Variants in SNTG1 observed in about 807,000 individuals in gnomAD.
The protein encoded by SNTG1 is syntrophin gamma 1.
In SNTG1, 39 loss-of-function variants were observed where a neutral mutation model predicts 74.7. That is an observed-to-expected ratio of 0.52 (90% CI 0.40 to 0.68). The LOEUF is 0.68. SNTG1 is among the 30% of genes least tolerant of loss of function. The probability of loss-of-function intolerance (pLI) is 0.00; values close to 1 mark genes in which losing one functional copy is unlikely to be tolerated. For missense variants in SNTG1, 685 were observed against 609.5 expected (o/e 1.12, Z -1.30); for synonymous variants, 254 against 217.1 (o/e 1.17, Z -1.49).
intron 2 of SNTG1, among the ~76,000 whole-genome samples, chr8:50,339,340 T>G (rs2130925939): frequency 6.6e-6 from 1 of 152,124 alleles, no homozygotes; most frequent in Admixed American, 6.5e-5. Flanking sequence ...GGTCAGTAAC[T>G]TATGTATACA....
At chr8:50,081,660 GTCTC>G (rs1822425669) in intron 1 of SNTG1, among the ~76,000 whole-genome samples, 1 of 151,940 alleles carries the variant, frequency 6.6e-6, no homozygotes, top group Non-Finnish European at 1.5e-5. Flanking sequence ...TTTAGATGGA[GTCTC>G]TCTCTGTCAC....
At chr8:50,727,299 G>A (rs1347782473) in intron 17 of SNTG1, among the ~76,000 whole-genome samples, 1 of 152,142 alleles carries the variant, frequency 6.6e-6, no homozygotes, top group Non-Finnish European at 1.5e-5. Context: ...GAGAGTGGTT[G>A]AGGGGAAGAT....
intron 1 of SNTG1, among the ~76,000 whole-genome samples, chr8:50,052,249 G>A (rs1382763979): frequency 2.0e-5 from 3 of 151,920 alleles, no homozygotes; most frequent in Non-Finnish European, 4.4e-5. Flanking sequence ...GAGTAAACTT[G>A]GGAGTTTAGA....
chr8:49,964,279 C>T lies in SNTG1; in HGVS notation c.-103+52048C>T, dbSNP rs531771474. 3.0e-4 allele frequency among the ~76,000 whole-genome samples: 46 copies of T among 152,344 alleles called. 1 individual carries two copies. The South Asian group carries it at 8.7e-3, about 29-fold the overall frequency. On this transcript the variant is annotated intron_variant, in intron 1 of 18. Transcript: ENST00000642720. ...TGGCTCCCCACAAGGAGGAGGGAGT[C>T]TTGCCACATACTGCCTTCAGGCTTG... is the stretch of plus-strand genomic sequence containing the variant.
intron 4 of SNTG1, among the ~76,000 whole-genome samples, chr8:50,412,329 T>C (rs962221673): frequency 3.3e-5 from 5 of 152,186 alleles, no homozygotes; most frequent in Admixed American, 6.5e-5. Context: ...TTTGTCTTTC[T>C]GTGGGGCACT....
chr8:50,484,469 C>T (rs1587777288), intron 8 of SNTG1, among the ~76,000 whole-genome samples: 1 of 150,764 alleles, frequency 6.6e-6, no homozygotes, highest in African/African-American at 2.4e-5. Context: ...CCTGTCTCGG[C>T]CTCCCAAAGC....
At chr8:50,634,709 G>T (rs1340816798) in intron 13 of SNTG1, among the ~76,000 whole-genome samples, 2 of 152,066 alleles carry the variant, frequency 1.3e-5, no homozygotes, top group African/African-American at 4.8e-5. Flanking sequence ...TTGGTGGTAT[G>T]AGTATGTGTA....
chr8:50,627,084 C>T (rs2094961444), intron 13 of SNTG1, among the ~76,000 whole-genome samples: 1 of 151,962 alleles, frequency 6.6e-6, no homozygotes, highest in African/African-American at 2.4e-5. Context: ...TCATTTAATC[C>T]TTTTTGTCTG....
At chr8:50,615,211 C>T (rs1200822831) in intron 13 of SNTG1, among the ~76,000 whole-genome samples, 2 of 152,088 alleles carry the variant, frequency 1.3e-5, no homozygotes, top group Non-Finnish European at 2.9e-5. Context: ...CTGCCTGCCT[C>T]GGCCTCCCAA....
chr8:50,170,972 A>G (rs982943777), intron 1 of SNTG1, among the ~76,000 whole-genome samples: 1 of 152,116 alleles, frequency 6.6e-6, no homozygotes, highest in Admixed American at 6.6e-5. Context: ...CTCCCACCTG[A>G]TCGATCAAGT....
chr8:50,137,406 T>C (rs926116336), intron 1 of SNTG1, among the ~76,000 whole-genome samples: 22 of 152,280 alleles, frequency 1.4e-4, no homozygotes, highest in African/African-American at 4.1e-4. Context: ...TTTCCATCTT[T>C]CATTTAGCAA....
At chr8:50,526,646 CATAT>C (rs34994608) in intron 9 of SNTG1, among the ~76,000 whole-genome samples, 2 of 144,556 alleles carry the variant, frequency 1.4e-5, no homozygotes, top group Admixed American at 6.8e-5. Context: ...TATATACACG[CATAT>C]ATATATATAT....
At chr8:50,790,835 C>T (rs2095688768) in intron 18 of SNTG1, among the ~76,000 whole-genome samples, 2 of 151,612 alleles carry the variant, frequency 1.3e-5, no homozygotes, top group South Asian at 4.2e-4. Flanking sequence ...TCTAAAGATG[C>T]CTGGATACTT....
intron 2 of SNTG1, among the ~76,000 whole-genome samples, chr8:50,321,113 C>T (rs1237311570): frequency 3.3e-5 from 5 of 152,008 alleles, no homozygotes; most frequent in African/African-American, 1.2e-4. Flanking sequence ...AATAATCAGT[C>T]CAATGTTGAA....
chr8:50,215,474 A>G (rs2084743241), intron 2 of SNTG1, among the ~76,000 whole-genome samples: 1 of 142,374 alleles, frequency 7.0e-6, no homozygotes, highest in Non-Finnish European at 1.6e-5. Flanking sequence ...ATATATATAT[A>G]TAGACTATAT....
intron 12 of SNTG1, among the ~76,000 whole-genome samples, chr8:50,561,614 G>T (rs991622337): frequency 1.3e-5 from 2 of 151,988 alleles, no homozygotes; most frequent in African/African-American, 4.8e-5. Context: ...ATATCTAGAT[G>T]GAATTGAAAA....
chr8:50,667,263 G>C (rs1054196774), intron 15 of SNTG1, among the ~76,000 whole-genome samples: 2 of 152,064 alleles, frequency 1.3e-5, no homozygotes, highest in Non-Finnish European at 2.9e-5. Context: ...GCAGGTATTA[G>C]TAGAAACTAT....
intron 12 of SNTG1, among the ~76,000 whole-genome samples, chr8:50,553,464 G>A (rs1255602800): frequency 2.0e-5 from 3 of 152,110 alleles, no homozygotes; most frequent in Non-Finnish European, 2.9e-5. Context: ...TTAAGTAAAA[G>A]CATTCGGGAA....
intron 1 of SNTG1, among the ~76,000 whole-genome samples, chr8:49,924,691 A>C (rs1806859467): frequency 6.6e-6 from 1 of 151,990 alleles, no homozygotes; most frequent in Admixed American, 6.6e-5. Flanking sequence ...GATACTCCAA[A>C]AAGGCTAAAG....
Sources: gnomAD v4.1 joint callset for allele counts (sites outside exome capture counted in the v4.1 genomes callset) on GRCh38, gnomAD v4.1.1 for gene constraint, MANE v1.5 for transcripts, NCBI Gene and HGNC (gene_info 2026-07-23, HGNC 2026-07-21) for gene names.